Variants in APBB2 observed in about 807,000 individuals in gnomAD.
APBB2 encodes the protein Fe65-like 1.
A neutral mutation model predicts 82.5 loss-of-function variants in APBB2; 38 were observed. The observed-to-expected ratio is 0.46, with a 90% CI of 0.36 to 0.60. The LOEUF (loss-of-function observed/expected upper bound fraction) is 0.60. APBB2 is among the 20% of genes least tolerant of loss of function. The pLI is 0.00. For missense variants in APBB2, 772 were observed against 972.3 expected (o/e 0.79, Z 2.74); for synonymous variants, 341 against 368.2 (o/e 0.93, Z 0.85).
intron 2 of APBB2, among the ~76,000 whole-genome samples, chr4:41,101,892 G>T (rs1174979964): frequency 6.6e-6 from 1 of 151,600 alleles, no homozygotes. Context: ...CCGGGAGGCG[G>T]AAGTTGCAGT....
At chr4:41,173,306 G>C (rs921174810) in intron 1 of APBB2, among the ~76,000 whole-genome samples, 1 of 152,178 alleles carries the variant, frequency 6.6e-6, no homozygotes, top group African/African-American at 2.4e-5. Context: ...TACCCAAACT[G>C]ATTTTTTCAG....
At chr4:40,906,167 G>A (rs542518025) in intron 10 of APBB2, among the ~76,000 whole-genome samples, 58 of 152,192 alleles carry the variant, frequency 3.8e-4, no homozygotes, top group South Asian at 1.7e-3. Flanking sequence ...TAACTTAAAA[G>A]CATTCTCAGC....
intron 6 of APBB2, among the ~76,000 whole-genome samples, chr4:40,974,969 C>T (rs1796798135): frequency 6.6e-6 from 1 of 152,218 alleles, no homozygotes; most frequent in Non-Finnish European, 1.5e-5. Context: ...TCTCCAATTT[C>T]TGCTACAACT....
chr4:41,017,055 C>G (rs539367518), intron 5 of APBB2, among the ~76,000 whole-genome samples: 58 of 152,096 alleles, frequency 3.8e-4, no homozygotes, highest in African/African-American at 1.4e-3. Flanking sequence ...TACACCACAC[C>G]TGGCTAATTT....
At chr4:40,859,900 C>G (rs1160465832) in intron 12 of APBB2, among the ~76,000 whole-genome samples, 3 of 152,216 alleles carry the variant, frequency 2.0e-5, no homozygotes, top group Non-Finnish European at 2.9e-5. Context: ...CTTCCCTGCA[C>G]TGCTCACCTG....
At chr4:40,928,431 C>T (rs1288708036) in intron 10 of APBB2, among the ~76,000 whole-genome samples, 5 of 140,232 alleles carry the variant, frequency 3.6e-5, no homozygotes, top group Non-Finnish European at 7.8e-5. Context: ...CACACACAAT[C>T]AGCCAGGTGT....
chr4:41,003,545 C>T (rs1425068975), intron 6 of APBB2, among the ~76,000 whole-genome samples: 2 of 151,956 alleles, frequency 1.3e-5, no homozygotes, highest in East Asian at 3.9e-4. Context: ...TAGGGTAGGT[C>T]CCAAATCAAA....
At position 40,830,559 on chromosome 4, in the gene APBB2, T is replaced by C. The variant is rs1473309856; in HGVS notation, c.1548A>G (p.Ala516=). The C allele has an allele frequency of 6.2e-7, 1 of 1,613,540 alleles. No individual in the cohort carries two copies. The highest frequency in any genetic ancestry group is 8.5e-7 in the Non-Finnish European group (1 of 1,179,446). ...RDNGRDFAYV[A]RDKDTRILKC... is the part of the protein sequence containing the mutation. Reference sequence around the variant, plus strand: ...TCAAAATTCTTGTATCTTTATCTCTTGCTACATAAGCAAAATCCCTGTGCA... The same window carrying C: ...TCAAAATTCTTGTATCTTTATCTCTCGCTACATAAGCAAAATCCCTGTGCA... Residue 516 remains alanine, a synonymous_variant, in exon 13 of 18, where the codon GCA becomes GCG. Coordinates refer to ENST00000508593, the MANE Select transcript of APBB2 (RefSeq NM_004307.2).
At chr4:41,213,734 A>G (rs992794848) in intron 1 of APBB2, among the ~76,000 whole-genome samples, 31 of 152,168 alleles carry the variant, frequency 2.0e-4, no homozygotes, top group African/African-American at 7.2e-4. Flanking sequence ...CCCAGTGGCC[A>G]GTTTCCTGGA....
chr4:40,825,185 T>C (rs1749468394), intron 15 of APBB2, among the ~76,000 whole-genome samples: 1 of 152,238 alleles, frequency 6.6e-6, no homozygotes, highest in South Asian at 2.1e-4. Flanking sequence ...AACATTTGCA[T>C]ACACGTTTTT....
intron 5 of APBB2, among the ~76,000 whole-genome samples, chr4:41,028,514 G>A (rs1264615322): frequency 6.6e-6 from 1 of 152,178 alleles, no homozygotes; most frequent in Admixed American, 6.5e-5. Flanking sequence ...AACCTGCCCA[G>A]CATGACTGTA....
At chr4:41,203,174 T>C (rs1199933034) in intron 1 of APBB2, among the ~76,000 whole-genome samples, 1 of 151,434 alleles carries the variant, frequency 6.6e-6, no homozygotes, top group Non-Finnish European at 1.5e-5. Flanking sequence ...TGTTTCTTAT[T>C]TCTACTTGCA....
chr4:40,869,999 T>C (rs895116475), intron 12 of APBB2, among the ~76,000 whole-genome samples: 1 of 151,788 alleles, frequency 6.6e-6, no homozygotes. Context: ...CAAGTTTAAA[T>C]GGAAGAGAGA....
At chr4:40,953,472 G>A (rs1578709639) in intron 6 of APBB2, among the ~76,000 whole-genome samples, 1 of 151,936 alleles carries the variant, frequency 6.6e-6, no homozygotes, top group African/African-American at 2.4e-5. Flanking sequence ...TCATTGCACC[G>A]AGATTCGCCC....
intron 1 of APBB2, among the ~76,000 whole-genome samples, chr4:41,168,290 C>CAAA (rs553430933): frequency 1.5e-5 from 2 of 134,240 alleles, no homozygotes; most frequent in African/African-American, 5.3e-5. Flanking sequence ...CGTCTAAAAA[C>CAAA]AAAAAAAAAA....
intron 4 of APBB2, among the ~76,000 whole-genome samples, chr4:41,059,216 T>G (rs1728877159): frequency 6.6e-6 from 1 of 152,150 alleles, no homozygotes; most frequent in Non-Finnish European, 1.5e-5. Flanking sequence ...ATCCCAGCAC[T>G]TTGGGAGGCC....
intron 12 of APBB2, among the ~76,000 whole-genome samples, chr4:40,874,244 T>C (rs1322227984): frequency 6.6e-6 from 1 of 152,022 alleles, no homozygotes; most frequent in Non-Finnish European, 1.5e-5. Flanking sequence ...CATGATAAAC[T>C]ATACTATTTT....
intron 1 of APBB2, among the ~76,000 whole-genome samples, chr4:41,156,959 G>A (rs919139601): frequency 8.6e-5 from 13 of 151,916 alleles, no homozygotes; most frequent in African/African-American, 3.1e-4. Flanking sequence ...CCAGCTACTT[G>A]GGGGACTGAG....
At chr4:40,999,746 A>G (rs1453855634) in intron 6 of APBB2, among the ~76,000 whole-genome samples, 1 of 152,244 alleles carries the variant, frequency 6.6e-6, no homozygotes, top group Non-Finnish European at 1.5e-5. Context: ...TAGTTTGAGA[A>G]GCAAAGGATT....
Sources: allele counts gnomAD v4.1 joint callset (sites outside exome capture counted in the v4.1 genomes callset), GRCh38; gene constraint gnomAD v4.1.1; transcripts MANE v1.5; gene names NCBI Gene and HGNC (gene_info 2026-07-23, HGNC 2026-07-21).